Variants in NXPE2 observed in about 807,000 individuals in gnomAD.
NXPE2 encodes the protein NXPE family member 2.
NXPE2 carries 34 observed loss-of-function variants against 34.4 expected under a neutral mutation model. The observed-to-expected ratio is 0.99, with a 90% CI of 0.75 to 1.31. NXPE2 has a LOEUF of 1.31. NXPE2 is among the 40% of genes most tolerant of loss of function. NXPE2 has a pLI of 0.00. For synonymous variants in NXPE2, 235 were observed against 231.3 expected, an observed-to-expected ratio of 1.02 and a Z score of -0.15; for missense variants, 649 against 672.5, an observed-to-expected ratio of 0.97 and a Z score of 0.39.
chr11:114,601,251 C>T, the NXPE2 span, among the ~76,000 whole-genome samples: 1 of 150,198 alleles, frequency 6.7e-6, no homozygotes. Flanking sequence ...TCCCATGCTC[C>T]CTCTTTCTGA....
the NXPE2 span, among the ~76,000 whole-genome samples, chr11:114,745,898 T>C: frequency 6.6e-6 from 1 of 152,038 alleles, no homozygotes; most frequent in South Asian, 2.1e-4. Flanking sequence ...CTGCTAAACA[T>C]GTATTATGCC....
At chr11:114,550,612 A>C in the NXPE2 span, among the ~76,000 whole-genome samples, 3 of 152,202 alleles carry the variant, frequency 2.0e-5, no homozygotes, top group African/African-American at 7.2e-5. Context: ...TAACTATACA[A>C]GTAAAAAAAT....
the NXPE2 span, among the ~76,000 whole-genome samples, chr11:114,486,938 C>G: frequency 6.6e-6 from 1 of 152,010 alleles, no homozygotes; most frequent in Non-Finnish European, 1.5e-5. Context: ...GTGATTTCTC[C>G]AGTTCTGTTC....
At chr11:114,524,675 A>C in the NXPE2 span, among the ~76,000 whole-genome samples, 164 of 152,278 alleles carry the variant, frequency 1.1e-3, 3 homozygotes, top group East Asian at 0.028. Context: ...TTATCCTAAT[A>C]ATGTACTGGC....
At chr11:114,745,698 C>T in the NXPE2 span, among the ~76,000 whole-genome samples, 2 of 151,770 alleles carry the variant, frequency 1.3e-5, no homozygotes, top group African/African-American at 2.4e-5. Flanking sequence ...TCAACTGTGA[C>T]TTTAAATTCC....
chr11:114,796,064 A>T, the NXPE2 span, among the ~76,000 whole-genome samples: 21,630 of 152,170 alleles, frequency 0.14, 1,541 homozygotes, highest in African/African-American at 0.17. Flanking sequence ...TTTAAAAGAT[A>T]CACCATCTTT....
At chr11:114,757,943 T>C in the NXPE2 span, among the ~76,000 whole-genome samples, 508 of 152,278 alleles carry the variant, frequency 3.3e-3, 3 homozygotes, top group African/African-American at 0.012. Flanking sequence ...GGGGAGGAAA[T>C]ATAGGGCTGT....
At chr11:114,556,660 G>A in the NXPE2 span, among the ~76,000 whole-genome samples, 2 of 151,646 alleles carry the variant, frequency 1.3e-5, no homozygotes, top group Admixed American at 1.3e-4. Context: ...GCCAGTTTTT[G>A]GCCTTTTTCT....
the NXPE2 span, among the ~76,000 whole-genome samples, chr11:114,613,313 G>A: frequency 6.6e-6 from 1 of 151,814 alleles, no homozygotes; most frequent in Admixed American, 6.6e-5. Context: ...CTGCCTCATG[G>A]GTAACCACTG....
chr11:114,711,965 T>C (rs1272923616), downstream of NXPE2, among the ~76,000 whole-genome samples: 1 of 152,100 alleles, frequency 6.6e-6, no homozygotes, highest in East Asian at 1.9e-4. Context: ...GGCTACATGA[T>C]TTTCAGGAAG....
At chr11:114,573,240 A>G in the NXPE2 span, among the ~76,000 whole-genome samples, 1 of 152,208 alleles carries the variant, frequency 6.6e-6, no homozygotes, top group African/African-American at 2.4e-5. Flanking sequence ...AAAGCACACC[A>G]AAATAGAACC....
the NXPE2 span, among the ~76,000 whole-genome samples, chr11:114,796,567 T>TA: frequency 1.3e-5 from 2 of 152,350 alleles, no homozygotes; most frequent in South Asian, 4.1e-4. Context: ...TATGTAATAA[T>TA]AGTAAACCAA....
At chr11:114,467,230 T>C in the NXPE2 span, among the ~76,000 whole-genome samples, 1 of 152,230 alleles carries the variant, frequency 6.6e-6, no homozygotes, top group Admixed American at 6.5e-5. Flanking sequence ...TATAAGCTGT[T>C]AGTATTTTTA....
At chr11:114,686,306 C>T (rs970757610) in intron 2 of NXPE2, among the ~76,000 whole-genome samples, 4 of 151,978 alleles carry the variant, frequency 2.6e-5, no homozygotes, top group African/African-American at 9.7e-5. Context: ...GTTTATTGTT[C>T]TCATCTTTGG....
At chr11:114,600,495 A>G in the NXPE2 span, among the ~76,000 whole-genome samples, 1 of 152,142 alleles carries the variant, frequency 6.6e-6, no homozygotes, top group Non-Finnish European at 1.5e-5. Context: ...CTTGAAAGCA[A>G]TGTATAACTT....
chr11:114,593,184 A>G, the NXPE2 span, among the ~76,000 whole-genome samples: 7 of 152,174 alleles, frequency 4.6e-5, no homozygotes, highest in African/African-American at 1.7e-4. Context: ...ATGGGATTAT[A>G]TAAAACTAAA....
the NXPE2 span, among the ~76,000 whole-genome samples, chr11:114,475,716 C>G: frequency 5.9e-5 from 9 of 152,202 alleles, no homozygotes; most frequent in Non-Finnish European, 1.0e-4. Flanking sequence ...TCTTCTGTAA[C>G]CCCATTTATG....
At chr11:114,604,733 C>T in the NXPE2 span, among the ~76,000 whole-genome samples, 22 of 151,300 alleles carry the variant, frequency 1.5e-4, no homozygotes, top group Admixed American at 5.3e-4. Flanking sequence ...CACTGTTACT[C>T]GGTGGATAAT....
At chr11:114,573,250 C>A in the NXPE2 span, among the ~76,000 whole-genome samples, 1 of 152,046 alleles carries the variant, frequency 6.6e-6, no homozygotes, top group Admixed American at 6.6e-5. Flanking sequence ...AAAATAGAAC[C>A]TCCTTAAAGC....
Sources: allele counts gnomAD v4.1 joint callset (sites outside exome capture counted in the v4.1 genomes callset), GRCh38; gene constraint gnomAD v4.1.1; transcripts MANE v1.5; gene names NCBI Gene and HGNC (gene_info 2026-07-23, HGNC 2026-07-21).